AKR1C8: variants seen among roughly 807,000 people sequenced by gnomAD.
AKR1C8 encodes aldo-keto reductase family 1 member C-like protein 1.
At chr10:5,171,725 C>A in the AKR1C8 span, among the ~76,000 whole-genome samples, 4 of 151,982 alleles carry the variant, frequency 2.6e-5, no homozygotes, top group Admixed American at 2.0e-4. Context: ...TTTTAATGCT[C>A]AATTTACAGA....
the AKR1C8 span, among the ~76,000 whole-genome samples, chr10:5,145,161 A>T: frequency 2.0e-5 from 3 of 151,966 alleles, no homozygotes; most frequent in Non-Finnish European, 4.4e-5. Context: ...CTGTTTATAT[A>T]CTGGATTACA....
the AKR1C8 span, among the ~76,000 whole-genome samples, chr10:5,120,861 C>G: frequency 6.6e-6 from 1 of 151,980 alleles, no homozygotes; most frequent in Non-Finnish European, 1.5e-5. Context: ...GGTAATTATT[C>G]TACCAGTTTG....
the AKR1C8 span, among the ~76,000 whole-genome samples, chr10:5,139,554 G>T: frequency 3.3e-5 from 5 of 152,126 alleles, no homozygotes; most frequent in Non-Finnish European, 7.4e-5. Flanking sequence ...ATGGGGAAAG[G>T]ATTCCCTATT....
chr10:5,170,052 T>A, the AKR1C8 span, among the ~76,000 whole-genome samples: 2 of 152,018 alleles, frequency 1.3e-5, no homozygotes. Flanking sequence ...CTGGGTTCCA[T>A]GGACTCACTA....
chr10:5,158,612 C>T, the AKR1C8 span: 1 of 477,862 alleles, frequency 2.1e-6, no homozygotes, highest in Admixed American at 2.3e-5. Context: ...CTGTGGGTCT[C>T]TTTGGGATCC....
the AKR1C8 span, among the ~76,000 whole-genome samples, chr10:5,121,670 A>C: frequency 6.6e-6 from 1 of 152,114 alleles, no homozygotes; most frequent in Non-Finnish European, 1.5e-5. Context: ...AAAATATTAA[A>C]ATTATGTCTT....
At chr10:5,164,231 C>T in the AKR1C8 span, among the ~76,000 whole-genome samples, 2 of 152,144 alleles carry the variant, frequency 1.3e-5, no homozygotes, top group Non-Finnish European at 2.9e-5. Context: ...CTGAGTTACA[C>T]TTTCTCCAAG....
chr10:5,131,648 C>A, the AKR1C8 span, among the ~76,000 whole-genome samples: 1 of 150,180 alleles, frequency 6.7e-6, no homozygotes, highest in South Asian at 2.1e-4. Context: ...CTTACTCCTG[C>A]AAGAATGGTT....
the AKR1C8 span, among the ~76,000 whole-genome samples, chr10:5,143,929 A>G: frequency 6.6e-6 from 1 of 151,944 alleles, no homozygotes. Flanking sequence ...TTCCAATAAT[A>G]CAGAAAGTGC....
the AKR1C8 span, among the ~76,000 whole-genome samples, chr10:5,130,157 A>T: frequency 2.0e-5 from 3 of 151,924 alleles, no homozygotes; most frequent in Non-Finnish European, 2.9e-5. Flanking sequence ...AAAGAGAATT[A>T]AAAAAGAAAA....
the AKR1C8 span, among the ~76,000 whole-genome samples, chr10:5,180,382 C>T: frequency 6.6e-6 from 1 of 152,342 alleles, no homozygotes; most frequent in East Asian, 1.9e-4. Flanking sequence ...CAGTCTGCCC[C>T]TACTGGGGGC....
At chr10:5,123,534 G>A in the AKR1C8 span, 1 of 602,270 alleles carries the variant, frequency 1.7e-6, no homozygotes, top group Non-Finnish European at 2.9e-6. Context: ...CTGCACCAGA[G>A]CGTCTCAAGT....
the AKR1C8 span, among the ~76,000 whole-genome samples, chr10:5,134,495 G>C: frequency 1.3e-5 from 2 of 152,110 alleles, no homozygotes; most frequent in Admixed American, 1.3e-4. Flanking sequence ...ATACCATTTT[G>C]ATACAAATCT....
chr10:5,177,777 G>C, the AKR1C8 span, among the ~76,000 whole-genome samples: 7 of 152,102 alleles, frequency 4.6e-5, no homozygotes, highest in East Asian at 1.9e-4. Context: ...AGAGGTGTTT[G>C]TAGTATTCTC....
chr10:5,163,084 C>A, the AKR1C8 span: 1 of 458,164 alleles, frequency 2.2e-6, no homozygotes, highest in South Asian at 1.7e-5. Context: ...GCATTTCCCC[C>A]AATAGCATTT....
chr10:5,137,361 G>A, the AKR1C8 span, among the ~76,000 whole-genome samples: 12 of 152,036 alleles, frequency 7.9e-5, no homozygotes, highest in African/African-American at 2.9e-4. Flanking sequence ...TAAAATACTG[G>A]CAAACCGAAT....
the AKR1C8 span, among the ~76,000 whole-genome samples, chr10:5,134,218 G>A: frequency 1.3e-5 from 2 of 152,084 alleles, no homozygotes; most frequent in African/African-American, 2.4e-5. Flanking sequence ...GTTTACCAAG[G>A]CTAAAGCTTC....
At chr10:5,176,464 C>A in the AKR1C8 span, among the ~76,000 whole-genome samples, 1 of 149,752 alleles carries the variant, frequency 6.7e-6, no homozygotes, top group South Asian at 2.1e-4. Context: ...GATGCAGGCT[C>A]TTTTTTGGTT....
At chr10:5,137,073 A>C in the AKR1C8 span, among the ~76,000 whole-genome samples, 1 of 152,194 alleles carries the variant, frequency 6.6e-6, no homozygotes, top group Admixed American at 6.6e-5. Flanking sequence ...TAAGGAAACA[A>C]TATACATATC....
Sources: gnomAD v4.1 joint callset for allele counts (sites outside exome capture counted in the v4.1 genomes callset) on GRCh38, gnomAD v4.1.1 for gene constraint, MANE v1.5 for transcripts, NCBI Gene and HGNC (gene_info 2026-07-23, HGNC 2026-07-21) for gene names.